Variants in TENM3 observed in about 807,000 individuals in gnomAD.
TENM3 encodes the protein teneurin transmembrane protein 3.
In TENM3, 63 loss-of-function variants were observed where a neutral mutation model predicts 255.1. That is an observed-to-expected ratio of 0.25 (90% CI 0.20 to 0.30). The LOEUF is 0.30. Among genes scored for constraint, TENM3 ranks in the 10% least tolerant of loss-of-function variants. The probability of loss-of-function intolerance (pLI) is 1.00; values close to 1 mark genes in which losing one functional copy is unlikely to be tolerated. For synonymous variants in TENM3, 1,306 were observed against 1,322.3 expected (o/e 0.99, Z 0.27); for missense variants, 2,929 against 3,461.1 (o/e 0.85, Z 3.86).
chr4:182,111,189 CT>C, the TENM3 span, among the ~76,000 whole-genome samples: 96 of 80,538 alleles, frequency 1.2e-3, no homozygotes, highest in Admixed American at 5.9e-3. Flanking sequence ...GTCTTCTTCT[CT>C]TTTTTTTTTT....
At chr4:182,407,197 T>C (rs551332218) in intron 3 of TENM3, among the ~76,000 whole-genome samples, 4 of 152,292 alleles carry the variant, frequency 2.6e-5, no homozygotes, top group Admixed American at 6.5e-5. Flanking sequence ...AAAACCCACC[T>C]CTTCACATAA....
At chr4:181,750,201 G>C in the TENM3 span, among the ~76,000 whole-genome samples, 6 of 152,302 alleles carry the variant, frequency 3.9e-5, no homozygotes, top group African/African-American at 1.4e-4. Context: ...AAGGTGGCTT[G>C]AAAGCTCACT....
At chr4:181,912,520 G>T in the TENM3 span, among the ~76,000 whole-genome samples, 901 of 152,202 alleles carry the variant, frequency 5.9e-3, 9 homozygotes, top group African/African-American at 0.021. Flanking sequence ...TGGTGTGGTG[G>T]CTCATGCTTG....
At chr4:181,459,767 CT>C in the TENM3 span, among the ~76,000 whole-genome samples, 2 of 151,888 alleles carry the variant, frequency 1.3e-5, no homozygotes, top group African/African-American at 4.8e-5. Context: ...TCCCACTTTG[CT>C]TTTCCTTTGA....
At chr4:182,113,174 G>T in the TENM3 span, among the ~76,000 whole-genome samples, 3 of 152,182 alleles carry the variant, frequency 2.0e-5, no homozygotes, top group Non-Finnish European at 1.5e-5. Context: ...GTTTTATCTG[G>T]AAGTGACTTG....
chr4:182,667,002 C>A (rs1754752309), intron 6 of TENM3, among the ~76,000 whole-genome samples: 1 of 152,086 alleles, frequency 6.6e-6, no homozygotes, highest in Non-Finnish European at 1.5e-5. Flanking sequence ...GTGTGTACCT[C>A]ACTTTATTGT....
At chr4:182,475,407 A>AT (rs5864786) in intron 3 of TENM3, among the ~76,000 whole-genome samples, 33 of 150,770 alleles carry the variant, frequency 2.2e-4, no homozygotes, top group African/African-American at 7.1e-4. Context: ...AAACTGATCA[A>AT]TTTTTTTTTT....
the TENM3 span, among the ~76,000 whole-genome samples, chr4:181,879,090 A>G: frequency 6.6e-6 from 1 of 152,182 alleles, no homozygotes; most frequent in South Asian, 2.1e-4. Context: ...GTGTTATCCC[A>G]GTAAATATCT....
intron 1 of TENM3, among the ~76,000 whole-genome samples, chr4:182,300,058 G>C (rs1034031541): frequency 6.6e-6 from 1 of 152,048 alleles, no homozygotes; most frequent in African/African-American, 2.4e-5. Flanking sequence ...TGGGATTACA[G>C]GTGTTCACAG....
At chr4:181,607,811 T>G in the TENM3 span, among the ~76,000 whole-genome samples, 2 of 152,202 alleles carry the variant, frequency 1.3e-5, no homozygotes, top group Non-Finnish European at 1.5e-5. Context: ...TCAAGCCAAA[T>G]TGCTCTGCCA....
chr4:182,208,736 G>A (rs766568525), intron 1 of TENM3, among the ~76,000 whole-genome samples: 8 of 152,166 alleles, frequency 5.3e-5, no homozygotes, highest in Non-Finnish European at 7.3e-5. Context: ...CTCAAAGTGT[G>A]TTCTTGGGAG....
intron 1 of TENM3, among the ~76,000 whole-genome samples, chr4:182,253,343 C>G (rs1171747623): frequency 1.3e-5 from 2 of 152,088 alleles, no homozygotes; most frequent in African/African-American, 2.4e-5. Flanking sequence ...TGTAGTGGCA[C>G]GTGCCTGTAA....
At chr4:182,594,595 G>T (rs1746999935) in intron 3 of TENM3, among the ~76,000 whole-genome samples, 1 of 151,898 alleles carries the variant, frequency 6.6e-6, no homozygotes, top group African/African-American at 2.4e-5. Context: ...TTCTGGTGAT[G>T]GTGCTATTAG....
the TENM3 span, among the ~76,000 whole-genome samples, chr4:181,860,123 C>T: frequency 6.6e-6 from 1 of 152,284 alleles, no homozygotes; most frequent in Admixed American, 6.5e-5. Context: ...CCATCTGAAA[C>T]CTGCTTTCAA....
At chr4:182,270,897 C>A (rs548633709) in intron 1 of TENM3, among the ~76,000 whole-genome samples, 2 of 152,184 alleles carry the variant, frequency 1.3e-5, no homozygotes, top group East Asian at 3.9e-4. Context: ...CCCTGAAAAT[C>A]GCATTATCCC....
At chr4:181,783,336 A>G in the TENM3 span, among the ~76,000 whole-genome samples, 1 of 152,064 alleles carries the variant, frequency 6.6e-6, no homozygotes, top group South Asian at 2.1e-4. Context: ...TCTTAACCCT[A>G]GGCCAGGTGC....
At chr4:182,400,976 C>T (rs1183742487) in intron 3 of TENM3, among the ~76,000 whole-genome samples, 2 of 152,144 alleles carry the variant, frequency 1.3e-5, no homozygotes, top group Admixed American at 1.3e-4. Context: ...TGGAGCAACC[C>T]CGTGCTGCTG....
rs775553930 is a variant in TENM3 at position 182,730,931 on chromosome 4, C to T, written c.2759C>T (p.Ser920Phe). The change falls in exon 16 of 28, where the codon TCC (serine) becomes TTC (phenylalanine). Residue 920 changes from serine (S) to phenylalanine (F), a missense_variant. Around this residue, in one of 6 missense-constraint regions of TENM3, gnomAD observed 1,608 missense variants for 1,884.4 expected, o/e 0.85. Coordinates refer to ENST00000511685, the MANE Select transcript of TENM3 (RefSeq NM_001080477.4). The part of the protein sequence containing the change: ...GASLTLVFER[S>F]PFLTQYHTVW... Reference sequence around the variant, plus strand: ...TCTCTAACTTTGGTATTTGAACGATCCCCATTCCTCACTCAGTATCATACT... The same window carrying T: ...TCTCTAACTTTGGTATTTGAACGATTCCCATTCCTCACTCAGTATCATACT... 2 of 1,613,912 alleles carry T rather than the reference C, an allele frequency of 1.2e-6. No individual in the cohort carries two copies. The highest frequency in any genetic ancestry group is 1.7e-6 in the Non-Finnish European group (2 of 1,179,856).
chr4:182,792,640 A>G lies in TENM3; in HGVS notation c.5968A>G (p.Thr1990Ala). ...VNLQSDGFIC[T>A]IRYRQIGPLI... ...CCTCCAGAGTGATGGTTTTATTTGC[A>G]CCATTAGATACAGGCAAATTGGTCC... is the stretch of plus-strand genomic sequence containing the variant. The change falls in exon 26 of 28, where the codon ACC becomes GCC. Residue 1990 changes from threonine to alanine, a missense_variant. This residue lies in a region of TENM3 where 303 missense variants were observed against 425.2 expected (regional missense o/e 0.71). Transcript: ENST00000511685. The surrounding 1 kb of genome is among the most constrained non-coding windows in gnomAD (Gnocchi z 6.3). 6.2e-7 allele frequency: 1 copy of G among 1,613,994 alleles called. No individual in the cohort carries two copies. The highest frequency in any genetic ancestry group is 8.5e-7 in the Non-Finnish European group (1 of 1,179,880).
Sources: allele counts gnomAD v4.1 joint callset (sites outside exome capture counted in the v4.1 genomes callset), GRCh38; gene constraint gnomAD v4.1.1; regional missense constraint gnomAD v4.1.1; non-coding constraint Gnocchi (gnomAD v3.1); transcripts MANE v1.5; gene names NCBI Gene and HGNC (gene_info 2026-07-23, HGNC 2026-07-21).